The following HK1 variants were observed in gnomAD, a reference collection of about 807,000 sequenced individuals.
HK1 encodes the protein hexokinase 1.
A neutral mutation model predicts 91.6 loss-of-function variants in HK1; 28 were observed. That is an observed-to-expected ratio of 0.31 (90% CI 0.23 to 0.42). HK1 has a LOEUF of 0.42. Ranked by LOEUF, HK1 falls within the 10% of genes least tolerant of loss-of-function variation. HK1 has a pLI of 1.00. For missense variants in HK1, 770 were observed against 1,219.8 expected, an observed-to-expected ratio of 0.63 and a Z score of 5.49; for synonymous variants, 430 against 468.1, an observed-to-expected ratio of 0.92 and a Z score of 1.05.
At chr10:69,305,538 C>T (rs377457853) in intron 5 of HK1, among the ~76,000 whole-genome samples, 5 of 151,546 alleles carry the variant, frequency 3.3e-5, no homozygotes, top group African/African-American at 1.2e-4. Flanking sequence ...AAGAAGAAAA[C>T]TGAGGTACCA....
chr10:69,381,134 A>G (rs1839366491), intron 9 of HK1, among the ~76,000 whole-genome samples: 4 of 152,170 alleles, frequency 2.6e-5, no homozygotes, highest in Admixed American at 2.6e-4. Flanking sequence ...TCTACAAAAA[A>G]TCATACACAG....
upstream of HK1, chr10:69,318,763 C>A: frequency 8.2e-7 from 1 of 1,218,188 alleles, no homozygotes; most frequent in Non-Finnish European, 1.1e-6. Context: ...CTGTCACCCT[C>A]CAGGGGACGG....
rs112639356 is a variant in HK1 at position 69,394,720 on chromosome 10, A to G, written c.2220-230A>G. Among the ~76,000 whole-genome samples the G allele has an allele frequency of 1.7e-3, 252 of 152,302 alleles. 1 individual carries two copies. The highest frequency in any genetic ancestry group is 5.8e-3 in the African/African-American group (240 of 41,562). ...AGCTGAGGAGGGAGACCAGTCTAGC[A>G]GGTAGACATGAATGCTGGTGGTTTT... On this transcript the variant is annotated intron_variant, in intron 15 of 17. Transcript: ENST00000359426.
chr10:69,371,021 C>A (rs1849972418), intron 7 of HK1, among the ~76,000 whole-genome samples: 1 of 131,246 alleles, frequency 7.6e-6, no homozygotes, highest in Non-Finnish European at 1.6e-5. Flanking sequence ...TAACCCTTAT[C>A]CTGATGCTAG....
At chr10:69,292,120 G>A (rs1005054846) in intron 3 of HK1, 1 of 179,816 alleles carries the variant, frequency 5.6e-6, no homozygotes, top group African/African-American at 2.4e-5. Flanking sequence ...ACCCAGGTTG[G>A]AGTGCAGTGG....
Position 69,377,125 on chromosome 10 carries a change from T to G in HK1, c.1031+36T>G, listed in dbSNP as rs1237987628. 6 of 1,613,226 alleles carry G rather than the reference T, an allele frequency of 3.7e-6. No homozygotes were observed. The African/African-American group carries it at 5.3e-5, about 14-fold the overall frequency. On this transcript the variant is annotated intron_variant, in intron 8 of 17. Transcript: ENST00000359426. ...TCCCCTCAAGGCTTTCTTGGGGTGT[T>G]GGGGCAGAGAAGAGCAATTGGTCCC... is the stretch of plus-strand genomic sequence containing the variant.
Position 69,382,521 on chromosome 10 carries a change from T to C in HK1, c.1300T>C (p.Leu434=). 1.2e-6 allele frequency: 2 copies of C among 1,614,196 alleles called. No homozygotes were observed. Among genetic ancestry groups the C allele is most frequent in the East Asian group, 4.5e-5 (2 of 44,884 alleles). The part of the protein sequence containing the change: ...SRRFHKTLRR[L]VPDSDVRFLL... ...GCGTTTCCACAAGACTCTAAGGCGC[T>C]TGGTGCCAGACTCCGATGTGCGCTT... The change falls in exon 10 of 18, where the codon TTG becomes CTG. Residue 434 remains leucine (L), a synonymous_variant. Coordinates refer to ENST00000359426, the MANE Select transcript of HK1 (RefSeq NM_000188.3).
At chr10:69,319,092 C>T in intron 1 of HK1, 82 bp downstream of exon 1, 1 of 1,482,650 alleles carries the variant, frequency 6.7e-7, no homozygotes. Context: ...CTGCCTCCAT[C>T]CTCCGGCGCC....
chr10:69,379,126 TG>T (rs1367910905), intron 8 of HK1, among the ~76,000 whole-genome samples: 1 of 152,138 alleles, frequency 6.6e-6, no homozygotes, highest in Non-Finnish European at 1.5e-5. Context: ...GGGGGTTATT[TG>T]GGGCGAGGTT....
chr10:69,325,469 T>C (rs955132541), intron 1 of HK1, among the ~76,000 whole-genome samples: 1 of 151,868 alleles, frequency 6.6e-6, no homozygotes, highest in African/African-American at 2.4e-5. Flanking sequence ...GCGATTCTCC[T>C]GCCTCAGCCT....
At chr10:69,366,320 G>A (rs1412716358) in intron 4 of HK1, among the ~76,000 whole-genome samples, 2 of 152,188 alleles carry the variant, frequency 1.3e-5, no homozygotes, top group South Asian at 2.1e-4. Flanking sequence ...CAAGTTAGTA[G>A]CATTTGGGCT....
At chr10:69,361,132 T>C (rs1849397059) in intron 3 of HK1, among the ~76,000 whole-genome samples, 1 of 152,258 alleles carries the variant, frequency 6.6e-6, no homozygotes, top group Non-Finnish European at 1.5e-5. Context: ...GGGCTAATCC[T>C]GGCTAACCTG....
At position 69,343,792 on chromosome 10, in the gene HK1, C is replaced by T. The variant is rs74473179; in HGVS notation, c.64-35C>T. ...CCTCACCTTGCCCTGTCCTCCCCCT[C>T]GACCTCACTCTCCTTCCTTCTCATC... On this transcript the variant is annotated intron_variant, in intron 1 of 17. Coordinates refer to ENST00000359426, the MANE Select transcript of HK1 (RefSeq NM_000188.3). The T allele has an allele frequency of 1.8e-4, 290 of 1,574,422 alleles. No homozygotes were observed. The African/African-American group carries it at 3.3e-3, about 18-fold the overall frequency.
At chr10:69,400,128 T>A (rs949594360) in intron 17 of HK1, among the ~76,000 whole-genome samples, 15 of 152,188 alleles carry the variant, frequency 9.9e-5, no homozygotes, top group African/African-American at 3.6e-4. Flanking sequence ...ATCTTCCTCA[T>A]GAGGTGGCAG....
At chr10:69,294,769 A>G (rs1278248370) in intron 3 of HK1, among the ~76,000 whole-genome samples, 1 of 152,038 alleles carries the variant, frequency 6.6e-6, no homozygotes, top group Non-Finnish European at 1.5e-5. Context: ...GGCTGAGGCA[A>G]GAGAATCGCT....
chr10:69,280,412 C>T (rs183704565), intron 1 of HK1, among the ~76,000 whole-genome samples: 8 of 152,346 alleles, frequency 5.3e-5, no homozygotes, highest in Non-Finnish European at 1.0e-4. Context: ...CCACCACGCC[C>T]AGCCCGGAAA....
At chr10:69,280,563 GTTA>G (rs1844695795) in intron 1 of HK1, among the ~76,000 whole-genome samples, 1 of 152,206 alleles carries the variant, frequency 6.6e-6, no homozygotes, top group African/African-American at 2.4e-5. Context: ...GTCTTTGGAG[GTTA>G]TTAAGTCATG....
intron 1 of HK1, chr10:69,338,680 AGTGTGTGTGTGT>A (rs10578071): frequency 2.7e-4 from 313 of 1,168,034 alleles, no homozygotes; most frequent in Middle Eastern, 1.1e-3. Context: ...TGGAGATGTG[AGTGTGTGTGTGT>A]GTGTGTGTGT....
At chr10:69,317,836 C>T (rs1228107033), upstream of HK1, among the ~76,000 whole-genome samples, 2 of 152,214 alleles carry the variant, frequency 1.3e-5, no homozygotes, top group Non-Finnish European at 2.9e-5. Flanking sequence ...TTTTGTAAGG[C>T]ACTAAAGCTC....
Sources: gnomAD v4.1 joint callset for allele counts (sites outside exome capture counted in the v4.1 genomes callset) on GRCh38, gnomAD v4.1.1 for gene constraint, MANE v1.5 for transcripts, NCBI Gene and HGNC (gene_info 2026-07-23, HGNC 2026-07-21) for gene names.